The following MAP3K7CL variants were observed in gnomAD, a reference collection of about 807,000 sequenced individuals.
The protein encoded by MAP3K7CL is MAP3K7 C-terminal like.
A neutral mutation model predicts 18.6 loss-of-function variants in MAP3K7CL; 16 were observed. The ratio of observed to expected loss-of-function variants is 0.86; its 90% CI spans 0.58 to 1.31. The LOEUF is 1.31. Among genes scored for constraint, MAP3K7CL ranks in the 50% most tolerant of loss-of-function variants. The probability of loss-of-function intolerance (pLI) is 0.00; values close to 1 mark genes in which losing one functional copy is unlikely to be tolerated. For synonymous variants in MAP3K7CL, 65 were observed against 66.8 expected, an observed-to-expected ratio of 0.97 and a Z score of 0.13; for missense variants, 163 against 174.4, an observed-to-expected ratio of 0.93 and a Z score of 0.37.
upstream of MAP3K7CL, among the ~76,000 whole-genome samples, chr21:29,077,280 G>C (rs920718101): frequency 3.3e-5 from 5 of 152,254 alleles, no homozygotes; most frequent in Admixed American, 3.3e-4. Flanking sequence ...GGCATGGCGG[G>C]CTGCAGGTCC....
intron 4 of MAP3K7CL, among the ~76,000 whole-genome samples, chr21:29,112,797 C>A (rs1263335777): frequency 1.3e-5 from 2 of 152,070 alleles, no homozygotes; most frequent in Admixed American, 1.3e-4. Context: ...CCTTTCCTCC[C>A]AGCAAACGAG....
At chr21:29,135,042 C>T (rs1016513525) in intron 2 of MAP3K7CL, among the ~76,000 whole-genome samples, 1 of 146,488 alleles carries the variant, frequency 6.8e-6, no homozygotes, top group Non-Finnish European at 1.5e-5. Context: ...CAGAGCAGGA[C>T]TCCATCTCAA....
intron 4 of MAP3K7CL, among the ~76,000 whole-genome samples, chr21:29,123,530 T>TATA: frequency 6.6e-6 from 1 of 152,338 alleles, no homozygotes; most frequent in South Asian, 2.1e-4. Context: ...TTGGGAACTC[T>TATA]ATAGTTTCTT....
chr21:29,098,642 G>A (rs1390504927), intron 4 of MAP3K7CL, among the ~76,000 whole-genome samples: 1 of 152,114 alleles, frequency 6.6e-6, no homozygotes, highest in Non-Finnish European at 1.5e-5. Context: ...TGCAAAGGCG[G>A]AAATTAGGAC....
At chr21:29,136,956 T>C (rs1051725779) in intron 2 of MAP3K7CL, among the ~76,000 whole-genome samples, 1 of 152,266 alleles carries the variant, frequency 6.6e-6, no homozygotes, top group Non-Finnish European at 1.5e-5. Context: ...TTTCTAGACC[T>C]ACCTCCAACA....
chr21:29,145,707 G>T (rs924712566), intron 2 of MAP3K7CL: 1 of 152,150 alleles, frequency 6.6e-6, no homozygotes, highest in African/African-American at 2.4e-5. Flanking sequence ...TTTCAGACTT[G>T]GTAGGCTTCA....
chr21:29,099,989 A>C (rs977968465), intron 4 of MAP3K7CL, among the ~76,000 whole-genome samples: 2 of 151,392 alleles, frequency 1.3e-5, no homozygotes, highest in Non-Finnish European at 2.9e-5. Context: ...AGGCTGAGGC[A>C]GGAGAATGGC....
chr21:29,139,028 C>T (rs749433639), intron 2 of MAP3K7CL, among the ~76,000 whole-genome samples: 4 of 152,170 alleles, frequency 2.6e-5, no homozygotes, highest in Admixed American at 6.5e-5. Flanking sequence ...AATCGTATGA[C>T]ACTTAGTTTT....
At chr21:29,152,678 T>G (rs2832221) in intron 3 of MAP3K7CL, among the ~76,000 whole-genome samples, 32,444 of 152,062 alleles carry the variant, frequency 0.21, 3,568 homozygotes, top group East Asian at 0.27. Context: ...TGAGTACCTA[T>G]TAGGCAAGGG....
chr21:29,108,975 T>TCCAAGC, intron 4 of MAP3K7CL: 1 of 1,366,306 alleles, frequency 7.3e-7, no homozygotes, highest in South Asian at 1.4e-5. Context: ...TCAACTTGAA[T>TCCAAGC]CTGAATTCAA....
intron 4 of MAP3K7CL, among the ~76,000 whole-genome samples, chr21:29,112,555 A>G (rs541163702): frequency 2.6e-5 from 4 of 151,888 alleles, no homozygotes; most frequent in African/African-American, 7.2e-5. Context: ...ATACATTTTT[A>G]TGTTATTTTC....
At chr21:29,170,571 A>G (rs1192048600) in intron 4 of MAP3K7CL, among the ~76,000 whole-genome samples, 3 of 152,202 alleles carry the variant, frequency 2.0e-5, no homozygotes, top group African/African-American at 7.2e-5. Flanking sequence ...TGAAGAGAAA[A>G]ATAGAACAGG....
At chr21:29,158,561 T>C (rs1274007842) in intron 3 of MAP3K7CL, among the ~76,000 whole-genome samples, 3 of 152,230 alleles carry the variant, frequency 2.0e-5, no homozygotes, top group Non-Finnish European at 4.4e-5. Flanking sequence ...ATAGGGAATG[T>C]CATCTTATCT....
At chr21:29,108,649 C>A (rs937663575) in intron 4 of MAP3K7CL, among the ~76,000 whole-genome samples, 1 of 152,174 alleles carries the variant, frequency 6.6e-6, no homozygotes, top group African/African-American at 2.4e-5. Context: ...ACAAACCACT[C>A]CCCTCTCTGA....
chr21:29,127,788 C>T (rs1356487352), upstream of MAP3K7CL: 2 of 152,200 alleles, frequency 1.3e-5, no homozygotes, highest in Non-Finnish European at 2.9e-5. Context: ...TGGGCAATCC[C>T]CAGGCTCACT....
intron 2 of MAP3K7CL, among the ~76,000 whole-genome samples, chr21:29,144,808 C>T (rs2087091043): frequency 6.6e-6 from 1 of 152,144 alleles, no homozygotes; most frequent in South Asian, 2.1e-4. Context: ...TGGAGAAACA[C>T]AGAGAAGACA....
chr21:29,156,401 G>A (rs1229100922), intron 3 of MAP3K7CL, among the ~76,000 whole-genome samples: 1 of 152,128 alleles, frequency 6.6e-6, no homozygotes, highest in Non-Finnish European at 1.5e-5. Flanking sequence ...ATAAACCCAC[G>A]TACAGCCAGT....
At chr21:29,168,238 A>G (rs2832232) in intron 4 of MAP3K7CL, among the ~76,000 whole-genome samples, 35,930 of 152,160 alleles carry the variant, frequency 0.24, 5,467 homozygotes, top group African/African-American at 0.43. Context: ...GAAAAGTTCT[A>G]TCTTCTCTTT....
intron 2 of MAP3K7CL, among the ~76,000 whole-genome samples, chr21:29,147,199 T>C (rs2087147303): frequency 6.6e-6 from 1 of 152,124 alleles, no homozygotes. Flanking sequence ...TATATGCATA[T>C]GTGTACTGTA....
Sources: allele counts gnomAD v4.1 joint callset (sites outside exome capture counted in the v4.1 genomes callset), GRCh38; gene constraint gnomAD v4.1.1; transcripts MANE v1.5; gene names NCBI Gene and HGNC (gene_info 2026-07-23, HGNC 2026-07-21).